Variants in ZBTB7C observed in about 807,000 individuals in gnomAD.
The protein encoded by ZBTB7C is zinc finger and BTB domain containing 7C.
Under a neutral mutation model 25.7 loss-of-function variants are expected in ZBTB7C, and 8 were observed. The observed-to-expected ratio is 0.31, with a 90% CI of 0.18 to 0.56. The LOEUF is 0.56. Ranked by LOEUF, ZBTB7C falls within the 20% of genes least tolerant of loss-of-function variation. The pLI is 0.91. For synonymous variants in ZBTB7C, 394 were observed against 369.0 expected (o/e 1.07, Z -0.78); for missense variants, 824 against 855.2 (o/e 0.96, Z 0.46).
At chr18:48,393,019 G>A (rs985270018) in intron 1 of ZBTB7C, among the ~76,000 whole-genome samples, 14 of 152,180 alleles carry the variant, frequency 9.2e-5, no homozygotes, top group South Asian at 2.1e-4. Flanking sequence ...TCAGAAATTC[G>A]CTTCAGCACT....
intron 1 of ZBTB7C, among the ~76,000 whole-genome samples, chr18:48,353,137 C>T (rs542283112): frequency 4.6e-5 from 7 of 152,280 alleles, no homozygotes; most frequent in African/African-American, 1.7e-4. Flanking sequence ...CAGTAACCTC[C>T]TAACCCTCAA....
intron 1 of ZBTB7C, among the ~76,000 whole-genome samples, chr18:48,339,127 C>T (rs1177335793): frequency 6.6e-6 from 1 of 152,248 alleles, no homozygotes; most frequent in African/African-American, 2.4e-5. Flanking sequence ...CTGAAGCAGC[C>T]TGCCCCAGCC....
intron 1 of ZBTB7C, chr18:48,375,663 C>T (rs901239119): frequency 6.6e-6 from 1 of 152,188 alleles, no homozygotes; most frequent in Non-Finnish European, 1.5e-5. Flanking sequence ...GAAATGCTGT[C>T]CTGTCTGGGC....
intron 3 of ZBTB7C, among the ~76,000 whole-genome samples, chr18:48,119,367 C>T (rs146396657): frequency 1.3e-5 from 2 of 151,752 alleles, no homozygotes; most frequent in Non-Finnish European, 2.9e-5. Flanking sequence ...GCAACCCCAG[C>T]GCAGGCGCAA....
At chr18:48,372,816 C>G (rs1400059704) in intron 1 of ZBTB7C, among the ~76,000 whole-genome samples, 1 of 152,138 alleles carries the variant, frequency 6.6e-6, no homozygotes, top group African/African-American at 2.4e-5. Flanking sequence ...CCCCTCCCAC[C>G]TGAGAGGTCC....
At chr18:48,354,581 G>A (rs1459004393) in intron 1 of ZBTB7C, among the ~76,000 whole-genome samples, 1 of 152,076 alleles carries the variant, frequency 6.6e-6, no homozygotes, top group African/African-American at 2.4e-5. Flanking sequence ...TAACATCCCA[G>A]CTTTATACCA....
At chr18:48,371,231 G>A (rs1236139339) in intron 1 of ZBTB7C, among the ~76,000 whole-genome samples, 1 of 152,174 alleles carries the variant, frequency 6.6e-6, no homozygotes, top group African/African-American at 2.4e-5. Flanking sequence ...CAAGCTGCAG[G>A]CCACCTTCTA....
At chr18:48,145,674 A>C (rs548093212) in intron 3 of ZBTB7C, among the ~76,000 whole-genome samples, 9 of 152,180 alleles carry the variant, frequency 5.9e-5, no homozygotes, top group Non-Finnish European at 1.2e-4. Flanking sequence ...GCTTTGTATT[A>C]CCCTGTTTAC....
chr18:48,402,381 G>A (rs564301817), intron 1 of ZBTB7C, among the ~76,000 whole-genome samples: 17 of 152,264 alleles, frequency 1.1e-4, no homozygotes, highest in South Asian at 2.1e-4. Flanking sequence ...TGTTTCTAAG[G>A]AACACGATGA....
chr18:48,266,300 G>C (rs1459319141), intron 2 of ZBTB7C, among the ~76,000 whole-genome samples: 1 of 152,074 alleles, frequency 6.6e-6, no homozygotes, highest in Non-Finnish European at 1.5e-5. Context: ...TCCAGGAGGC[G>C]ACTGAGAAGG....
chr18:48,396,546 G>C (rs1481959602), intron 1 of ZBTB7C, among the ~76,000 whole-genome samples: 1 of 152,186 alleles, frequency 6.6e-6, no homozygotes, highest in African/African-American at 2.4e-5. Flanking sequence ...TTTATATTTA[G>C]TTGTAAGCTA....
chr18:48,268,307 G>T (rs1268348866), intron 2 of ZBTB7C, among the ~76,000 whole-genome samples: 1 of 152,150 alleles, frequency 6.6e-6, no homozygotes, highest in Non-Finnish European at 1.5e-5. Flanking sequence ...GTTTAAAATG[G>T]CAAGACAAAT....
chr18:48,192,452 C>T (rs531580664), intron 2 of ZBTB7C, among the ~76,000 whole-genome samples: 17 of 152,154 alleles, frequency 1.1e-4, no homozygotes, highest in African/African-American at 2.9e-4. Context: ...CCAGTGTAAA[C>T]GGTTGATGAT....
intron 3 of ZBTB7C, among the ~76,000 whole-genome samples, chr18:48,175,059 T>C (rs2041624872): frequency 6.6e-6 from 1 of 152,198 alleles, no homozygotes; most frequent in Non-Finnish European, 1.5e-5. Context: ...ACCTTTCTAT[T>C]TGACTTCTGA....
At chr18:48,221,822 C>T (rs531855271) in intron 2 of ZBTB7C, among the ~76,000 whole-genome samples, 26 of 125,698 alleles carry the variant, frequency 2.1e-4, no homozygotes, top group African/African-American at 6.9e-4. Context: ...TCCTAGTCTC[C>T]CTCTATGCTG....
intron 3 of ZBTB7C, among the ~76,000 whole-genome samples, chr18:48,160,166 C>T (rs1184533885): frequency 6.6e-6 from 1 of 152,224 alleles, no homozygotes; most frequent in East Asian, 1.9e-4. Context: ...ATGGGGGTCA[C>T]TGCTGGCCAA....
intron 2 of ZBTB7C, among the ~76,000 whole-genome samples, chr18:48,241,424 A>T (rs561167207): frequency 1.3e-5 from 2 of 152,310 alleles, no homozygotes; most frequent in South Asian, 4.2e-4. Flanking sequence ...CAGCACATGG[A>T]ACATTCTCCA....
At chr18:48,233,232 C>T (rs569028499) in intron 2 of ZBTB7C, among the ~76,000 whole-genome samples, 3 of 152,158 alleles carry the variant, frequency 2.0e-5, no homozygotes, top group South Asian at 2.1e-4. Flanking sequence ...CGCGCGCACG[C>T]TCTCTCTCTC....
intron 3 of ZBTB7C, among the ~76,000 whole-genome samples, chr18:48,097,204 T>C (rs117816817): frequency 2.6e-5 from 4 of 152,320 alleles, no homozygotes; most frequent in Non-Finnish European, 5.9e-5. Flanking sequence ...AGACCTTCTC[T>C]ACATGTGACT....
Sources: gnomAD v4.1 joint callset for allele counts (sites outside exome capture counted in the v4.1 genomes callset) on GRCh38, gnomAD v4.1.1 for gene constraint, MANE v1.5 for transcripts, NCBI Gene and HGNC (gene_info 2026-07-23, HGNC 2026-07-21) for gene names.